IKZF1: variants seen among roughly 807,000 people sequenced by gnomAD.
IKZF1 encodes the protein IKAROS family zinc finger 1.
IKZF1 carries 10 observed loss-of-function variants against 51.7 expected under a neutral mutation model. The ratio of observed to expected loss-of-function variants is 0.19; its 90% CI spans 0.12 to 0.33. The LOEUF (loss-of-function observed/expected upper bound fraction) is 0.33. Ranked by LOEUF, IKZF1 falls within the 10% of genes least tolerant of loss-of-function variation. IKZF1 has a pLI of 1.00. For missense variants in IKZF1, 484 were observed against 707.5 expected (o/e 0.68, Z 3.58); for synonymous variants, 280 against 282.3 (o/e 0.99, Z 0.08).
At chr7:50,359,246 G>A (rs1804483484) in intron 3 of IKZF1, among the ~76,000 whole-genome samples, 1 of 152,170 alleles carries the variant, frequency 6.6e-6, no homozygotes, top group Non-Finnish European at 1.5e-5. Context: ...GGGCCACAGA[G>A]CAAGATCCTG....
chr7:50,338,655 C>A (rs1291921726), intron 3 of IKZF1, among the ~76,000 whole-genome samples: 1 of 152,166 alleles, frequency 6.6e-6, no homozygotes, highest in Admixed American at 6.5e-5. Flanking sequence ...AAGGCTTAAA[C>A]AGAGTACAGC....
intron 1 of IKZF1, among the ~76,000 whole-genome samples, chr7:50,315,676 A>G (rs935170368): frequency 6.6e-6 from 1 of 152,180 alleles, no homozygotes; most frequent in Non-Finnish European, 1.5e-5. Flanking sequence ...TCTGTGAAAT[A>G]ATTATTCCTT....
At chr7:50,346,323 C>G (rs1800354669) in intron 3 of IKZF1, among the ~76,000 whole-genome samples, 1 of 152,230 alleles carries the variant, frequency 6.6e-6, no homozygotes, top group Non-Finnish European at 1.5e-5. Context: ...GGAGGCAGCC[C>G]ACTTACGGAA....
At chr7:50,323,199 A>G (rs922792587) in intron 2 of IKZF1, among the ~76,000 whole-genome samples, 1 of 152,230 alleles carries the variant, frequency 6.6e-6, no homozygotes, top group Non-Finnish European at 1.5e-5. Context: ...AAGAAAATAC[A>G]GTTATCATTT....
intron 2 of IKZF1, among the ~76,000 whole-genome samples, chr7:50,319,973 C>T (rs1277843210): frequency 6.6e-6 from 1 of 152,098 alleles, no homozygotes; most frequent in Non-Finnish European, 1.5e-5. Flanking sequence ...TGGTGGTTTC[C>T]CTGGGGAAGG....
chr7:50,346,989 C>T (rs1001086958), intron 3 of IKZF1, among the ~76,000 whole-genome samples: 2 of 152,168 alleles, frequency 1.3e-5, no homozygotes, highest in Non-Finnish European at 1.5e-5. Flanking sequence ...ACTCATGAGT[C>T]AGTTTCTCAG....
rs550105830 is a variant in IKZF1, at chr7:50,363,478, A to G, written c.161-13055A>G. On this transcript the variant is annotated intron_variant, in intron 3 of 7. Transcript: ENST00000331340. ...GGACAGGCGGTGAAACGAGCCACTG[A>G]GGAGTTACCCAGTGCCCTGGGGAGC... 2.6e-5 allele frequency among the ~76,000 whole-genome samples: 4 copies of G among 152,198 alleles called. No individual in the cohort carries two copies. In the South Asian group the frequency reaches 8.3e-4, roughly 32 times the overall value.
At chr7:50,371,137 G>A (rs927560910) in intron 3 of IKZF1, among the ~76,000 whole-genome samples, 1 of 152,190 alleles carries the variant, frequency 6.6e-6, no homozygotes, top group Non-Finnish European at 1.5e-5. Flanking sequence ...CAGTTGTTAA[G>A]AAACTGAAGG....
At chr7:50,356,561 G>A (rs1803449818) in intron 3 of IKZF1, among the ~76,000 whole-genome samples, 3 of 152,188 alleles carry the variant, frequency 2.0e-5, no homozygotes, top group African/African-American at 7.2e-5. Flanking sequence ...GCACGGCTGT[G>A]TGTCTGTGCG....
intron 3 of IKZF1, among the ~76,000 whole-genome samples, chr7:50,370,535 A>G (rs1009509034): frequency 4.6e-5 from 7 of 152,242 alleles, no homozygotes; most frequent in African/African-American, 1.7e-4. Flanking sequence ...TTGGGTGCCA[A>G]TAACATAGAA....
At position 50,327,746 on chromosome 7, in the gene IKZF1, A is replaced by G; in HGVS notation, c.149A>G (p.Asp50Gly). 6.2e-7 allele frequency: 1 copy of G among 1,612,402 alleles called. No homozygotes were observed. Among genetic ancestry groups the G allele is most frequent in the Non-Finnish European group, 8.5e-7 (1 of 1,179,230 alleles). ...TSGGQQSSKS[D>G]RVVASNVKVE... ...GGAGGACAGCAAAGCTCCAAGAGTG[A>G]CAGAGTCGTGGGTAAGTGGGTCACC... The change falls in exon 3 of 8, where the codon GAC becomes GGC. Residue 50 changes from aspartate (D) to glycine (G), a missense_variant. This residue lies in a region of IKZF1 where 118 missense variants were observed against 138.4 expected (regional missense o/e 0.85). Coordinates refer to ENST00000331340, the MANE Select transcript of IKZF1 (RefSeq NM_006060.6).
At chr7:50,311,893 AC>A (rs1394264395) in intron 1 of IKZF1, among the ~76,000 whole-genome samples, 1 of 152,202 alleles carries the variant, frequency 6.6e-6, no homozygotes, top group African/African-American at 2.4e-5. Flanking sequence ...GAAGAAAAAA[AC>A]GTTTAAAATA....
chr7:50,331,102 A>G (rs1796353355), intron 3 of IKZF1, among the ~76,000 whole-genome samples: 2 of 152,214 alleles, frequency 1.3e-5, no homozygotes, highest in Admixed American at 6.5e-5. Flanking sequence ...AGTAGCAAAG[A>G]CACAAAGTAA....
chr7:50,347,848 G>T (rs1211125429), intron 3 of IKZF1, among the ~76,000 whole-genome samples: 1 of 152,200 alleles, frequency 6.6e-6, no homozygotes, highest in Non-Finnish European at 1.5e-5. Flanking sequence ...CAGGGAGAAA[G>T]TGTGCTTCGT....
chr7:50,404,232 C>T lies in IKZF1; in HGVS notation c.*3605C>T, dbSNP rs1217785291. On this transcript the variant is annotated 3_prime_UTR_variant, in exon 8 of 8. Coordinates refer to ENST00000331340, the MANE Select transcript of IKZF1 (RefSeq NM_006060.6). ...TGTTGTATCCAGTACAGCTTTAGGTCTTCAGCTGCCCTTCTGGCGAGTACA... is the reference window on the plus strand; with the variant it reads ...TGTTGTATCCAGTACAGCTTTAGGTTTTCAGCTGCCCTTCTGGCGAGTACA... 1 of 217,798 alleles carries T rather than the reference C, an allele frequency of 4.6e-6. No homozygotes were observed. The highest frequency in any genetic ancestry group is 2.2e-5 in the African/African-American group (1 of 44,458). The allele number at this position is 217,798 out of a possible 1,614,324, so 13.5% of individuals were successfully genotyped here.
At chr7:50,328,898 C>T (rs529214139) in intron 3 of IKZF1, 8 of 152,032 alleles carry the variant, frequency 5.3e-5, no homozygotes, top group Non-Finnish European at 7.4e-5. Flanking sequence ...ACGGTGAAAC[C>T]CTGTCTCTAC....
chr7:50,398,934 A>G (rs1281306677), intron 7 of IKZF1, among the ~76,000 whole-genome samples: 1 of 152,224 alleles, frequency 6.6e-6, no homozygotes, highest in African/African-American at 2.4e-5. Context: ...CTTCAAGAAA[A>G]TTTATTTTTT....
intron 6 of IKZF1, among the ~76,000 whole-genome samples, chr7:50,387,754 G>A (rs1051029128): frequency 6.6e-6 from 1 of 151,892 alleles, no homozygotes; most frequent in African/African-American, 2.4e-5. Context: ...AAAGTTTTGG[G>A]GTTGTTTTTT....
At chr7:50,341,335 G>A (rs1037369827) in intron 3 of IKZF1, among the ~76,000 whole-genome samples, 2 of 151,942 alleles carry the variant, frequency 1.3e-5, no homozygotes, top group Admixed American at 1.3e-4. Context: ...TAGAGATGGG[G>A]TTTCACCACG....
Sources: allele counts gnomAD v4.1 joint callset (sites outside exome capture counted in the v4.1 genomes callset), GRCh38; gene constraint gnomAD v4.1.1; regional missense constraint gnomAD v4.1.1; transcripts MANE v1.5; gene names NCBI Gene and HGNC (gene_info 2026-07-23, HGNC 2026-07-21).